Variants in GRID2 observed in about 807,000 individuals in gnomAD.
GRID2 encodes the protein glutamate receptor ionotropic, delta-2.
GRID2 carries 33 observed loss-of-function variants against 114.8 expected under a neutral mutation model. The ratio of observed to expected loss-of-function variants is 0.29; its 90% CI spans 0.22 to 0.38. The LOEUF is 0.38. GRID2 is among the 10% of genes least tolerant of loss of function. The pLI, the probability that GRID2 is intolerant of heterozygous loss-of-function variation, is 1.00. For missense variants in GRID2, 1,184 were observed against 1,257.7 expected (o/e 0.94, Z 0.89); for synonymous variants, 505 against 449.9 (o/e 1.12, Z -1.55).
intron 2 of GRID2, among the ~76,000 whole-genome samples, chr4:93,020,946 C>T (rs1468924681): frequency 2.0e-5 from 3 of 151,584 alleles, no homozygotes; most frequent in South Asian, 2.1e-4. Flanking sequence ...GCAGGAGAAT[C>T]GCTTGCACTG....
intron 2 of GRID2, among the ~76,000 whole-genome samples, chr4:92,606,394 T>C (rs1329431362): frequency 6.6e-6 from 1 of 152,082 alleles, no homozygotes; most frequent in Non-Finnish European, 1.5e-5. Flanking sequence ...CTGGAACCTT[T>C]AGAATAGTGG....
rs552257695 is a variant in GRID2 at position 92,712,996 on chromosome 4, C to CTT, written c.244+122721_244+122722dup. ...CATTTGACTTGACTTTTTCTTTTTT[C>CTT]TTTTTTTTTTTTATTATACTTTAAG... On this transcript the variant is annotated intron_variant, in intron 2 of 15. Transcript: ENST00000282020. Among the ~76,000 whole-genome samples the CTT allele has an allele frequency of 4.9e-3, 698 of 143,458 alleles. 7 individuals are homozygous for CTT. Among genetic ancestry groups the CTT allele is most frequent in the African/African-American group, 0.015 (606 of 39,458 alleles). 94.1% of individuals were successfully genotyped at this position (143,458 alleles called of 152,430 possible).
chr4:92,970,976 T>A (rs1457002272), intron 2 of GRID2, among the ~76,000 whole-genome samples: 1 of 151,716 alleles, frequency 6.6e-6, no homozygotes, highest in East Asian at 1.9e-4. Flanking sequence ...ACATCGTGCG[T>A]GTATGTGTGT....
At chr4:93,240,045 C>T (rs1747303736) in intron 8 of GRID2, among the ~76,000 whole-genome samples, 1 of 151,566 alleles carries the variant, frequency 6.6e-6, no homozygotes, top group South Asian at 2.1e-4. Flanking sequence ...CACACCACTG[C>T]AGTTTGTTTC....
intron 2 of GRID2, among the ~76,000 whole-genome samples, chr4:92,793,024 C>T (rs192771642): frequency 3.7e-4 from 56 of 151,222 alleles, no homozygotes; most frequent in Admixed American, 3.0e-3. Context: ...AGAATCATAA[C>T]ATTTTGCGTA....
chr4:92,961,512 G>T (rs1403134869), intron 2 of GRID2, among the ~76,000 whole-genome samples: 1 of 149,902 alleles, frequency 6.7e-6, no homozygotes, highest in Non-Finnish European at 1.5e-5. Flanking sequence ...TTCTTTTCTT[G>T]CTTTCATAGT....
At chr4:93,596,116 G>T (rs1739057554) in intron 13 of GRID2, among the ~76,000 whole-genome samples, 1 of 152,154 alleles carries the variant, frequency 6.6e-6, no homozygotes, top group Admixed American at 6.5e-5. Flanking sequence ...CTATTGCCTT[G>T]TGTTTATTAT....
intron 2 of GRID2, among the ~76,000 whole-genome samples, chr4:92,779,186 ATG>A (rs70942930): frequency 2.9e-4 from 42 of 147,228 alleles, no homozygotes; most frequent in Admixed American, 6.1e-4. Flanking sequence ...TAGTAAGTAA[ATG>A]TGTGTGTGTG....
chr4:92,944,548 T>G (rs1028600935), intron 2 of GRID2, among the ~76,000 whole-genome samples: 3 of 152,308 alleles, frequency 2.0e-5, no homozygotes, highest in Non-Finnish European at 4.4e-5. Flanking sequence ...TCGCCTTGCT[T>G]CAGCTCATGC....
At chr4:93,450,331 ATAAT>A (rs1722561833) in intron 10 of GRID2, among the ~76,000 whole-genome samples, 2 of 151,912 alleles carry the variant, frequency 1.3e-5, no homozygotes, top group Non-Finnish European at 1.5e-5. Flanking sequence ...AAGTTTTATA[ATAAT>A]TAGAATATTT....
At chr4:93,208,773 A>G (rs1223154991) in intron 5 of GRID2, among the ~76,000 whole-genome samples, 1 of 151,978 alleles carries the variant, frequency 6.6e-6, no homozygotes, top group Non-Finnish European at 1.5e-5. Context: ...TCATGTCAAA[A>G]TAAGATAGGT....
intron 4 of GRID2, among the ~76,000 whole-genome samples, chr4:93,189,299 C>T (rs900879603): frequency 1.2e-4 from 19 of 152,114 alleles, no homozygotes; most frequent in African/African-American, 4.1e-4. Flanking sequence ...CAACAGATTC[C>T]GTGTCTGATG....
At chr4:93,062,172 G>A (rs1402172237) in intron 2 of GRID2, among the ~76,000 whole-genome samples, 1 of 151,922 alleles carries the variant, frequency 6.6e-6, no homozygotes, top group African/African-American at 2.4e-5. Flanking sequence ...TGAGCTTAAG[G>A]TTTTCTCATT....
At chr4:92,526,559 G>C (rs1725056741) in intron 1 of GRID2, among the ~76,000 whole-genome samples, 1 of 152,082 alleles carries the variant, frequency 6.6e-6, no homozygotes, top group Admixed American at 6.6e-5. Flanking sequence ...GGCCAGGCTA[G>C]TCTTGAACTC....
chr4:92,728,857 GAT>G (rs1449098276), intron 2 of GRID2, among the ~76,000 whole-genome samples: 2 of 143,446 alleles, frequency 1.4e-5, no homozygotes, highest in Non-Finnish European at 3.1e-5. Flanking sequence ...AGCATACAAA[GAT>G]ATTTGTTAGC....
At chr4:92,607,746 T>C (rs1018532225) in intron 2 of GRID2, among the ~76,000 whole-genome samples, 2 of 151,888 alleles carry the variant, frequency 1.3e-5, no homozygotes, top group African/African-American at 2.4e-5. Context: ...CTCAACTCCA[T>C]CACTAATTCA....
intron 1 of GRID2, among the ~76,000 whole-genome samples, chr4:92,478,783 T>C (rs1019243783): frequency 2.6e-5 from 4 of 152,160 alleles, no homozygotes; most frequent in African/African-American, 7.2e-5. Context: ...CTCTTCCTTC[T>C]GTACGCCTCT....
chr4:92,449,683 A>G (rs897368786), intron 1 of GRID2, among the ~76,000 whole-genome samples: 15 of 125,962 alleles, frequency 1.2e-4, no homozygotes, highest in Admixed American at 1.2e-3. Flanking sequence ...ACTGATATAT[A>G]TATATATATA....
At chr4:92,595,102 A>C (rs916530452) in intron 2 of GRID2, among the ~76,000 whole-genome samples, 1 of 152,010 alleles carries the variant, frequency 6.6e-6, no homozygotes, top group African/African-American at 2.4e-5. Flanking sequence ...TTTTGAAATA[A>C]TTGCTCTTAT....
Sources: allele counts gnomAD v4.1 joint callset (sites outside exome capture counted in the v4.1 genomes callset), GRCh38; gene constraint gnomAD v4.1.1; transcripts MANE v1.5; gene names NCBI Gene and HGNC (gene_info 2026-07-23, HGNC 2026-07-21).